Variants in ASTN2 observed in about 807,000 individuals in gnomAD.
ASTN2 encodes astrotactin 2.
A neutral mutation model predicts 139.8 loss-of-function variants in ASTN2; 54 were observed. The ratio of observed to expected loss-of-function variants is 0.39; its 90% CI spans 0.31 to 0.48. ASTN2 has a LOEUF of 0.48. ASTN2 is among the 20% of genes least tolerant of loss of function. The pLI is 0.95. For missense variants in ASTN2, 1,565 were observed against 1,725.1 expected, an observed-to-expected ratio of 0.91 and a Z score of 1.64; for synonymous variants, 756 against 719.5, an observed-to-expected ratio of 1.05 and a Z score of -0.81.
chr9:117,383,890 C>T (rs892625647), intron 1 of ASTN2, among the ~76,000 whole-genome samples: 1 of 152,186 alleles, frequency 6.6e-6, no homozygotes, highest in African/African-American at 2.4e-5. Context: ...TCAGATGTTC[C>T]TAACCTGTTG....
chr9:117,306,338 G>C (rs187605548), intron 1 of ASTN2, among the ~76,000 whole-genome samples: 242 of 152,168 alleles, frequency 1.6e-3, no homozygotes, highest in Non-Finnish European at 3.0e-3. Context: ...CTGAAACTCA[G>C]AGAGAACAGG....
intron 5 of ASTN2, among the ~76,000 whole-genome samples, chr9:117,066,451 C>T (rs1827947151): frequency 6.8e-6 from 1 of 147,544 alleles, no homozygotes; most frequent in Admixed American, 6.7e-5. Flanking sequence ...CAAGTCTTTG[C>T]TATTGTGAAT....
At chr9:117,400,528 T>G (rs1416090348) in intron 1 of ASTN2, among the ~76,000 whole-genome samples, 1 of 152,098 alleles carries the variant, frequency 6.6e-6, no homozygotes, top group African/African-American at 2.4e-5. Context: ...GACCAGTAAT[T>G]GGTTACTTTG....
intron 5 of ASTN2, among the ~76,000 whole-genome samples, chr9:117,077,532 A>G (rs2132719589): frequency 6.6e-6 from 1 of 152,176 alleles, no homozygotes; most frequent in Non-Finnish European, 1.5e-5. Context: ...TAAATCACTT[A>G]AGCCCAGGAG....
At chr9:117,188,999 AT>A (rs1477470411) in intron 3 of ASTN2, among the ~76,000 whole-genome samples, 3 of 152,108 alleles carry the variant, frequency 2.0e-5, no homozygotes, top group Non-Finnish European at 2.9e-5. Flanking sequence ...CCAGGACTTC[AT>A]AATTCTAGTG....
At chr9:117,274,311 C>T (rs1587900368) in intron 2 of ASTN2, among the ~76,000 whole-genome samples, 1 of 152,298 alleles carries the variant, frequency 6.6e-6, no homozygotes, top group East Asian at 1.9e-4. Context: ...GATCGCACCA[C>T]TGCACTCCAG....
intron 6 of ASTN2, among the ~76,000 whole-genome samples, chr9:117,013,726 A>G (rs1837598174): frequency 6.6e-6 from 1 of 152,116 alleles, no homozygotes; most frequent in African/African-American, 2.4e-5. Flanking sequence ...ACTCTGTAGC[A>G]TACTCTGAAA....
intron 6 of ASTN2, among the ~76,000 whole-genome samples, chr9:117,013,085 G>C (rs1019922590): frequency 6.6e-6 from 1 of 151,778 alleles, no homozygotes; most frequent in African/African-American, 2.4e-5. Context: ...GGCAAAGCCC[G>C]GCTTCATTTA....
intron 3 of ASTN2, among the ~76,000 whole-genome samples, chr9:117,184,926 A>AT (rs1831159685): frequency 6.6e-6 from 1 of 152,152 alleles, no homozygotes; most frequent in Non-Finnish European, 1.5e-5. Flanking sequence ...ATATTATTGC[A>AT]TTTCATCCTG....
rs545373178 is a variant in ASTN2 at position 116,545,122 on chromosome 9, C to A, written c.3356-57622G>T. The stretch of plus-strand genomic sequence containing the variant: ...CAGCAACTGCTGGCCTAGAGTCAGT[C>A]CAAGTGCCCAGATGTGCCAATGCAG... On this transcript the variant is annotated intron_variant, in intron 19 of 22. Coordinates refer to ENST00000313400, the MANE Select transcript of ASTN2 (RefSeq NM_001365068.1). 3.9e-5 allele frequency among the ~76,000 whole-genome samples: 6 copies of A among 152,314 alleles called. No individual in the cohort carries two copies. The South Asian group carries it at 1.0e-3, about 26-fold the overall frequency.
intron 13 of ASTN2, among the ~76,000 whole-genome samples, chr9:116,755,080 G>T (rs1464366843): frequency 6.6e-6 from 1 of 152,044 alleles, no homozygotes; most frequent in East Asian, 1.9e-4. Context: ...ACCAACTCCG[G>T]CTTCTAATTT....
At chr9:116,840,300 T>C (rs1832172130) in intron 11 of ASTN2, among the ~76,000 whole-genome samples, 1 of 151,026 alleles carries the variant, frequency 6.6e-6, no homozygotes, top group South Asian at 2.1e-4. Context: ...ACGGCAACCA[T>C]CCGATTTCTC....
intron 10 of ASTN2, among the ~76,000 whole-genome samples, chr9:116,911,620 G>A (rs1206497217): frequency 6.6e-6 from 1 of 152,106 alleles, no homozygotes. Context: ...AAGAAAATAG[G>A]TGGTTTATGC....
intron 2 of ASTN2, among the ~76,000 whole-genome samples, chr9:117,284,197 A>G (rs917663868): frequency 6.6e-6 from 1 of 152,112 alleles, no homozygotes; most frequent in African/African-American, 2.4e-5. Flanking sequence ...TCCGTCTCCC[A>G]GACCCAAGCG....
chr9:117,011,452 AT>A (rs780973897), intron 6 of ASTN2, among the ~76,000 whole-genome samples: 16 of 152,238 alleles, frequency 1.1e-4, no homozygotes, highest in African/African-American at 2.2e-4. Context: ...ATGGACCCTT[AT>A]CAAACACTTA....
chr9:116,915,907 G>T (rs937350357), intron 10 of ASTN2, among the ~76,000 whole-genome samples: 1 of 152,168 alleles, frequency 6.6e-6, no homozygotes, highest in East Asian at 1.9e-4. Flanking sequence ...CTTGCAGTGG[G>T]GTTATGGGTA....
At chr9:117,089,068 G>A (rs1344424690) in intron 5 of ASTN2, among the ~76,000 whole-genome samples, 1 of 152,202 alleles carries the variant, frequency 6.6e-6, no homozygotes, top group Non-Finnish European at 1.5e-5. Context: ...CCACTGTGAG[G>A]TTCGGTGCTG....
intron 7 of ASTN2, among the ~76,000 whole-genome samples, chr9:116,995,085 A>T: frequency 6.6e-6 from 1 of 152,206 alleles, no homozygotes; most frequent in East Asian, 1.9e-4. Flanking sequence ...ATCCATTTGA[A>T]TCCAGAGTGC....
intron 2 of ASTN2, among the ~76,000 whole-genome samples, chr9:117,259,970 C>T (rs1173057365): frequency 6.6e-6 from 1 of 152,092 alleles, no homozygotes; most frequent in Non-Finnish European, 1.5e-5. Flanking sequence ...TCAATAAAAG[C>T]TTTCTACCTC....
Sources: allele counts gnomAD v4.1 joint callset (sites outside exome capture counted in the v4.1 genomes callset), GRCh38; gene constraint gnomAD v4.1.1; transcripts MANE v1.5; gene names NCBI Gene and HGNC (gene_info 2026-07-23, HGNC 2026-07-21).